Variants in MFAP3L observed in about 807,000 individuals in gnomAD.
MFAP3L encodes microfibrillar-associated protein 3-like.
MFAP3L carries 5 observed loss-of-function variants against 20.0 expected under a neutral mutation model. That is an observed-to-expected ratio of 0.25 (90% confidence interval 0.13 to 0.53). MFAP3L has a LOEUF of 0.53. MFAP3L is among the 20% of genes least tolerant of loss of function. The pLI is 0.96. For missense variants in MFAP3L, 409 were observed against 527.5 expected (o/e 0.78, Z 2.20); for synonymous variants, 219 against 213.0 (o/e 1.03, Z -0.25).
intron 2 of MFAP3L, chr4:170,001,995 T>C (rs748246383): frequency 1.2e-4 from 123 of 985,332 alleles, no homozygotes; most frequent in Non-Finnish European, 2.7e-5. Context: ...ATGAAATTGC[T>C]CCTTTCCAGG....
At chr4:170,022,427 C>A (rs1267857977) in intron 1 of MFAP3L, among the ~76,000 whole-genome samples, 1 of 152,228 alleles carries the variant, frequency 6.6e-6, no homozygotes, top group East Asian at 1.9e-4. Flanking sequence ...CAAACTCCTT[C>A]ACATGACACT....
Position 169,991,550 on chromosome 4 carries a change from G to T in MFAP3L, c.1058C>A (p.Ser353Tyr). ...GGTAGAAGGTTCTGCAGTTTCGGGGGAATGTTCCGCCGACAGTTCTGTCTC... is the reference window on the plus strand; with the variant it reads ...GGTAGAAGGTTCTGCAGTTTCGGGGTAATGTTCCGCCGACAGTTCTGTCTC... ...VEETELSAEH[S>Y]PETAEPSTDV... Residue 353 changes from serine (S) to tyrosine (Y), a missense_variant, in exon 3 of 3, where the codon TCC (serine) becomes TAC (tyrosine). Physicochemically the swap from Ser to Tyr is moderately radical, Grantham distance 144. Around this residue, in one of 3 missense-constraint regions of MFAP3L, gnomAD observed 169 missense variants for 178.2 expected, o/e 0.95. Coordinates refer to ENST00000361618, the MANE Select transcript of MFAP3L (RefSeq NM_021647.8). The surrounding 1 kb of genome is among the most constrained non-coding windows in gnomAD (Gnocchi z 4.9). The T allele has an allele frequency of 6.2e-7, 1 of 1,614,138 alleles. No homozygotes were observed.
intron 1 of MFAP3L, among the ~76,000 whole-genome samples, chr4:170,017,016 G>A (rs531430742): frequency 3.3e-5 from 5 of 152,230 alleles, no homozygotes; most frequent in Admixed American, 2.6e-4. Flanking sequence ...TCAAAATGTC[G>A]CACAGTCCCT....
In MFAP3L at chr4:169,991,055, A is replaced by G; in HGVS notation, c.*323T>C. ...CACTGGACAGGGTTCTTGAACTCAG[A>G]ATATCTTACAGTGGTGTACTCTTTG... On this transcript the variant is annotated 3_prime_UTR_variant, in exon 3 of 3. Coordinates refer to ENST00000361618, the MANE Select transcript of MFAP3L (RefSeq NM_021647.8). This position sits in a 1 kb window ranked among gnomAD's most constrained non-coding sequence, Gnocchi z 4.9. 1 of 317,584 alleles carries G rather than the reference A, an allele frequency of 3.1e-6. No individual in the cohort carries two copies. The highest frequency in any genetic ancestry group is 8.3e-5 in the South Asian group (1 of 12,060). 19.7% of individuals were successfully genotyped at this position (317,584 alleles called of 1,614,324 possible).
At chr4:170,011,643 C>A (rs1739385252) in intron 1 of MFAP3L, among the ~76,000 whole-genome samples, 1 of 152,146 alleles carries the variant, frequency 6.6e-6, no homozygotes, top group Non-Finnish European at 1.5e-5. Context: ...GGGGTTGAGG[C>A]CTTCCCCCTC....
intron 1 of MFAP3L, among the ~76,000 whole-genome samples, chr4:170,016,224 A>T (rs1254104826): frequency 6.6e-6 from 1 of 152,210 alleles, no homozygotes. Flanking sequence ...GCAGTTCGTC[A>T]TTCAGTGTAA....
intron 2 of MFAP3L, chr4:170,003,637 G>A (rs757641806): frequency 2.0e-5 from 19 of 972,124 alleles, no homozygotes; most frequent in Non-Finnish European, 2.2e-5. Flanking sequence ...GGAGTTCAGT[G>A]CCCCAACCCA....
At chr4:170,014,432 A>C (rs895368555) in intron 1 of MFAP3L, among the ~76,000 whole-genome samples, 1 of 152,224 alleles carries the variant, frequency 6.6e-6, no homozygotes. Context: ...TGGACACATC[A>C]GTGAGTCAGA....
At chr4:169,996,005 GCCACCCC>G (rs960500106) in intron 2 of MFAP3L, among the ~76,000 whole-genome samples, 12 of 51,376 alleles carry the variant, frequency 2.3e-4, no homozygotes, top group East Asian at 6.5e-4. Flanking sequence ...CTGTAGCCCC[GCCACCCC>G]CCACCCCCCA....
At chr4:170,017,172 C>T (rs1473851217) in intron 1 of MFAP3L, among the ~76,000 whole-genome samples, 1 of 152,064 alleles carries the variant, frequency 6.6e-6, no homozygotes, top group Non-Finnish European at 1.5e-5. Flanking sequence ...AGTTAAATAG[C>T]ATTTCCTCCT....
At chr4:170,013,924 A>G (rs921805557) in intron 1 of MFAP3L, among the ~76,000 whole-genome samples, 3 of 152,258 alleles carry the variant, frequency 2.0e-5, no homozygotes, top group African/African-American at 7.2e-5. Context: ...TGATGATCCA[A>G]GGAATTAGCC....
intron 1 of MFAP3L, among the ~76,000 whole-genome samples, chr4:170,021,931 C>T (rs1428087496): frequency 6.6e-6 from 1 of 152,180 alleles, no homozygotes; most frequent in African/African-American, 2.4e-5. Context: ...TGAACCAGTA[C>T]AAGCCCATGA....
chr4:170,017,160 G>A (rs1399270723), intron 1 of MFAP3L, among the ~76,000 whole-genome samples: 2 of 152,230 alleles, frequency 1.3e-5, no homozygotes, highest in East Asian at 3.9e-4. Flanking sequence ...ACTGGAGAGG[G>A]TAGTTAAATA....
intron 1 of MFAP3L, among the ~76,000 whole-genome samples, chr4:170,019,586 A>C (rs989825433): frequency 1.3e-5 from 2 of 152,182 alleles, no homozygotes; most frequent in Non-Finnish European, 2.9e-5. Flanking sequence ...GAACAGATGG[A>C]TCCTATCTTG....
At chr4:170,005,522 G>GGA in intron 2 of MFAP3L, 58 bp downstream of exon 2, 4 of 1,543,340 alleles carry the variant, frequency 2.6e-6, no homozygotes, top group African/African-American at 1.4e-5. Context: ...CACGGGTGCT[G>GGA]GCTCCAAAGC....
intron 2 of MFAP3L, chr4:170,003,837 A>G: frequency 1.0e-6 from 1 of 985,448 alleles, no homozygotes. Flanking sequence ...TCCATTCACA[A>G]GTGTGACATC....
intron 1 of MFAP3L, among the ~76,000 whole-genome samples, chr4:170,015,312 A>G (rs1739629355): frequency 6.6e-6 from 1 of 152,196 alleles, no homozygotes. Context: ...TCATAGTATG[A>G]TCATGACAAC....
At position 169,992,812 on chromosome 4, in the gene MFAP3L, T is replaced by TA. The variant is rs1737827111; in HGVS notation, c.299-504dup. 3.3e-5 allele frequency among the ~76,000 whole-genome samples: 5 copies of TA among 152,358 alleles called. No homozygotes were observed. In the South Asian group the frequency reaches 1.0e-3, roughly 32 times the overall value. On this transcript the variant is annotated intron_variant, in intron 2 of 2. Transcript: ENST00000361618. The surrounding 1 kb of genome is among the most constrained non-coding windows in gnomAD (Gnocchi z 4.3). ...TGTTCACTGGGGAGGTTAATGCAATTAAATTGTTTACCTGAGTTTCTCAAA... is the reference window on the plus strand; with the variant it reads ...TGTTCACTGGGGAGGTTAATGCAATTAAAATTGTTTACCTGAGTTTCTCAAA...
At chr4:170,002,331 T>A in intron 2 of MFAP3L, 1 of 813,606 alleles carries the variant, frequency 1.2e-6, no homozygotes, top group Non-Finnish European at 1.5e-6. Context: ...TCTGTATACA[T>A]GAGGATTAAT....
Sources: allele counts gnomAD v4.1 joint callset (sites outside exome capture counted in the v4.1 genomes callset), GRCh38; gene constraint gnomAD v4.1.1; regional missense constraint gnomAD v4.1.1; non-coding constraint Gnocchi (gnomAD v3.1); transcripts MANE v1.5; gene names NCBI Gene and HGNC (gene_info 2026-07-23, HGNC 2026-07-21).